Variants in RTF1 observed in about 807,000 individuals in gnomAD.
RTF1 encodes RTF1 homolog, Paf1/RNA polymerase II complex component.
Under a neutral mutation model 95.7 loss-of-function variants are expected in RTF1, and 10 were observed. That is an observed-to-expected ratio of 0.10 (90% CI 0.06 to 0.18). The LOEUF (loss-of-function observed/expected upper bound fraction) is 0.18, where lower values mean the gene tolerates loss of function less well. Ranked by LOEUF, RTF1 falls within the 10% of genes least tolerant of loss-of-function variation. The pLI, the probability that RTF1 is intolerant of heterozygous loss-of-function variation, is 1.00. For missense variants in RTF1, 458 were observed against 875.6 expected (o/e 0.52, Z 6.02); for synonymous variants, 305 against 311.8 (o/e 0.98, Z 0.23).
chr15:41,474,977 T>G (rs1235004387), intron 9 of RTF1, among the ~76,000 whole-genome samples: 1 of 152,196 alleles, frequency 6.6e-6, no homozygotes, highest in African/African-American at 2.4e-5. Context: ...CGCTGGCATT[T>G]CCTTGGCAAG....
At chr15:41,460,130 T>G (rs1010476661) in intron 4 of RTF1, among the ~76,000 whole-genome samples, 28 of 151,482 alleles carry the variant, frequency 1.8e-4, no homozygotes, top group Non-Finnish European at 3.1e-4. Flanking sequence ...TGTTTTTTTT[T>G]TTTTTTTTTG....
At chr15:41,444,264 C>G (rs2050749692) in intron 2 of RTF1, among the ~76,000 whole-genome samples, 1 of 151,378 alleles carries the variant, frequency 6.6e-6, no homozygotes. Context: ...GATTGAGACT[C>G]TGTCTCAAAG....
chr15:41,442,591 G>A (rs2050741307), intron 2 of RTF1, among the ~76,000 whole-genome samples: 5 of 152,018 alleles, frequency 3.3e-5, no homozygotes, highest in Admixed American at 1.3e-4. Context: ...GGTTGTTAAA[G>A]TGGCAATTCT....
At chr15:41,466,005 C>CT in intron 5 of RTF1, 136 bp from the exon 6 acceptor site, 2 of 531,810 alleles carry the variant, frequency 3.8e-6, no homozygotes, top group Non-Finnish European at 6.6e-6. Context: ...AGGATGCTCT[C>CT]TCCCCTTACA....
intron 7 of RTF1, among the ~76,000 whole-genome samples, 191 bp downstream of exon 7, chr15:41,470,583 C>G (rs950085992): frequency 6.6e-6 from 1 of 151,768 alleles, no homozygotes; most frequent in Non-Finnish European, 1.5e-5. Context: ...GACATTTCAC[C>G]TGGGCCTGGA....
intron 17 of RTF1, 113 bp from the exon 18 acceptor site, chr15:41,480,468 G>C (rs1231653861): frequency 1.0e-6 from 1 of 953,654 alleles, no homozygotes; most frequent in African/African-American, 1.6e-5. Flanking sequence ...ACAGGCTGTG[G>C]GTATGGTGAG....
intron 3 of RTF1, among the ~76,000 whole-genome samples, chr15:41,455,228 C>A (rs553869254): frequency 1.9e-4 from 29 of 151,330 alleles, no homozygotes; most frequent in Admixed American, 3.3e-4. Flanking sequence ...GCAGGAGAAT[C>A]GCTTGAACCA....
chr15:41,465,651 A>G (rs2050877156), intron 5 of RTF1, among the ~76,000 whole-genome samples: 1 of 152,046 alleles, frequency 6.6e-6, no homozygotes, highest in South Asian at 2.1e-4. Flanking sequence ...AAAAAAAAAA[A>G]GCAGCCCACT....
intron 1 of RTF1, among the ~76,000 whole-genome samples, chr15:41,430,284 C>T (rs1190589845): frequency 6.6e-6 from 1 of 151,262 alleles, no homozygotes; most frequent in Non-Finnish European, 1.5e-5. Context: ...ACCTCCACCT[C>T]CCGGGTTCAA....
intron 1 of RTF1, among the ~76,000 whole-genome samples, chr15:41,421,408 A>G (rs1400159477): frequency 2.0e-5 from 3 of 151,418 alleles, no homozygotes; most frequent in African/African-American, 7.3e-5. Context: ...GTGAGCCGAG[A>G]TCGTGCCATT....
intron 3 of RTF1, among the ~76,000 whole-genome samples, chr15:41,454,870 A>G (rs1595433979): frequency 1.3e-5 from 2 of 152,324 alleles, no homozygotes; most frequent in East Asian, 1.9e-4. Flanking sequence ...CAGTTGCACT[A>G]GCCACATTTG....
chr15:41,447,083 A>G (rs1338900264), intron 2 of RTF1, among the ~76,000 whole-genome samples: 1 of 152,164 alleles, frequency 6.6e-6, no homozygotes, highest in East Asian at 1.9e-4. Context: ...GATTACAGGC[A>G]TGAGCCACCA....
At chr15:41,437,482 C>T (rs1204898440) in intron 1 of RTF1, among the ~76,000 whole-genome samples, 5 of 151,552 alleles carry the variant, frequency 3.3e-5, no homozygotes, top group African/African-American at 9.7e-5. Context: ...GGTGACACAG[C>T]GAGACTCTGT....
chr15:41,442,572 T>C (rs2050741274), intron 2 of RTF1, among the ~76,000 whole-genome samples: 6 of 152,086 alleles, frequency 3.9e-5, no homozygotes, highest in Admixed American at 3.9e-4. Context: ...ATTAACCTTT[T>C]AGAAATTTGG....
intron 4 of RTF1, among the ~76,000 whole-genome samples, chr15:41,461,052 T>C (rs1019530002): frequency 1.3e-5 from 2 of 151,240 alleles, no homozygotes; most frequent in African/African-American, 4.8e-5. Context: ...ATTTTTTTTT[T>C]TTTTTTTGAG....
intron 1 of RTF1, among the ~76,000 whole-genome samples, chr15:41,422,077 C>T (rs111888411): frequency 0.027 from 4,146 of 152,148 alleles, 79 homozygotes; most frequent in Middle Eastern, 0.082. Flanking sequence ...CTCTATCGCC[C>T]AGACTGGAGT....
intron 1 of RTF1, among the ~76,000 whole-genome samples, chr15:41,420,027 G>T (rs1285705694): frequency 6.6e-6 from 1 of 152,014 alleles, no homozygotes; most frequent in Non-Finnish European, 1.5e-5. Flanking sequence ...CTCCATGTTG[G>T]CCAGGCTGGT....
At position 41,478,534 on chromosome 15, in the gene RTF1, G is replaced by A. The variant is rs1246192552; in HGVS notation, c.1741-14G>A. 1 of 1,612,004 alleles carries A rather than the reference G, an allele frequency of 6.2e-7. No homozygotes were observed. The highest frequency in any genetic ancestry group is 2.2e-5 in the East Asian group (1 of 44,854). On this transcript the variant is annotated splice_polypyrimidine_tract_variant and intron_variant, in intron 14 of 17. Coordinates refer to ENST00000389629, the MANE Select transcript of RTF1 (RefSeq NM_015138.5). ...CTGGAGGTGCAGTTCTGTGGTGCATGCTTTCTGTTTCAGGCTGAAAGTCAC... is the reference window on the plus strand; with the variant it reads ...CTGGAGGTGCAGTTCTGTGGTGCATACTTTCTGTTTCAGGCTGAAAGTCAC...
chr15:41,420,945 A>C (rs1287947783), intron 1 of RTF1, among the ~76,000 whole-genome samples: 1 of 152,238 alleles, frequency 6.6e-6, no homozygotes, highest in Admixed American at 6.5e-5. Flanking sequence ...GCCTATATGC[A>C]GGTTAATCTT....
Sources: gnomAD v4.1 joint callset for allele counts (sites outside exome capture counted in the v4.1 genomes callset) on GRCh38, gnomAD v4.1.1 for gene constraint, MANE v1.5 for transcripts, NCBI Gene and HGNC (gene_info 2026-07-23, HGNC 2026-07-21) for gene names.